The following TMEM132C variants were observed in gnomAD, a reference collection of about 807,000 sequenced individuals.
The protein encoded by TMEM132C is transmembrane protein 132C.
In TMEM132C, 29 loss-of-function variants were observed where a neutral mutation model predicts 61.4. The ratio of observed to expected loss-of-function variants is 0.47; its 90% CI spans 0.35 to 0.64. The LOEUF (loss-of-function observed/expected upper bound fraction) is 0.64. Ranked by LOEUF, TMEM132C falls within the 30% of genes least tolerant of loss-of-function variation. The pLI, the probability that TMEM132C is intolerant of heterozygous loss-of-function variation, is 0.00. For synonymous variants in TMEM132C, 656 were observed against 633.1 expected (o/e 1.04, Z -0.54); for missense variants, 1,408 against 1,476.9 (o/e 0.95, Z 0.76).
chr12:128,669,524 G>T lies in TMEM132C; in HGVS notation c.1413G>T (p.Ser471=). The change falls in exon 5 of 9, where the codon TCG becomes TCT. Residue 471 remains serine, a synonymous_variant. Transcript: ENST00000435159. ...ENSAVMDISE[S]VECKSTDEDV... ...GTGCCGTGATGGACATCTCAGAGTC[G>T]GTGGAGTGCAAGTCCACAGACGAGG... 1.9e-6 allele frequency: 3 copies of T among 1,551,578 alleles called. No homozygotes were observed. Among genetic ancestry groups the T allele is most frequent in the African/African-American group, 1.4e-5 (1 of 73,150 alleles).
Position 128,696,020 on chromosome 12 carries a change from A to T in TMEM132C, c.1846A>T (p.Met616Leu). 6.4e-7 allele frequency: 1 copy of T among 1,551,750 alleles called. No individual in the cohort carries two copies. Reference sequence around the variant, plus strand: ...CATCACTCACCTGGTGGCAGACTTCATGAAGCTGGAGGAACCTCACGTGGC... The same window carrying T: ...CATCACTCACCTGGTGGCAGACTTCTTGAAGCTGGAGGAACCTCACGTGGC... ...FDITHLVADF[M>L]KLEEPHVATL... Residue 616 changes from methionine (M) to leucine (L), a missense_variant, in exon 7 of 9, where the codon ATG (methionine) becomes TTG (leucine). Coordinates refer to ENST00000435159, the MANE Select transcript of TMEM132C (RefSeq NM_001136103.3).
Position 128,551,945 on chromosome 12 carries a change from CCTTA to C in TMEM132C, c.1121+7846_1121+7849del, listed in dbSNP as rs1422437966. Among the ~76,000 whole-genome samples the C allele has an allele frequency of 3.9e-5, 6 of 152,308 alleles. No homozygotes were observed. In the South Asian group the frequency reaches 1.0e-3, roughly 26 times the overall value. On this transcript the variant is annotated intron_variant, in intron 3 of 8. Transcript: ENST00000435159. ...GTTTCTGCCTCAAGCATTCCTGGAG[CCTTA>C]CTTTAAGCTCATTCCTTCAGGGAAA...
intron 2 of TMEM132C, among the ~76,000 whole-genome samples, chr12:128,486,010 T>C (rs947107200): frequency 3.9e-5 from 6 of 152,254 alleles, no homozygotes; most frequent in South Asian, 2.1e-4. Flanking sequence ...TAGTCGGAGA[T>C]TTCCATTCAT....
chr12:128,398,974 G>C (rs1415936492), intron 1 of TMEM132C, among the ~76,000 whole-genome samples: 1 of 152,216 alleles, frequency 6.6e-6, no homozygotes, highest in Middle Eastern at 3.4e-3. Context: ...CACGTTAAAG[G>C]CTTTAAAATG....
At chr12:128,386,751 T>G (rs996301758) in intron 1 of TMEM132C, among the ~76,000 whole-genome samples, 12 of 152,164 alleles carry the variant, frequency 7.9e-5, no homozygotes, top group Admixed American at 7.2e-4. Flanking sequence ...GGGACACATT[T>G]GCTTTACATT....
intron 1 of TMEM132C, among the ~76,000 whole-genome samples, chr12:128,304,754 G>A (rs1871708958): frequency 6.6e-6 from 1 of 152,346 alleles, no homozygotes; most frequent in Admixed American, 6.5e-5. Flanking sequence ...CCCTGCCTCA[G>A]TGGTCATTTA....
intron 3 of TMEM132C, among the ~76,000 whole-genome samples, chr12:128,573,507 T>C (rs1236195091): frequency 1.3e-5 from 2 of 151,806 alleles, no homozygotes; most frequent in African/African-American, 4.8e-5. Flanking sequence ...ATGTAAATGA[T>C]GAGTTAATGG....
chr12:128,343,417 A>C lies in TMEM132C; in HGVS notation c.86-71315A>C, dbSNP rs372384718. Among the ~76,000 whole-genome samples, 413 of 59,490 alleles carry C rather than the reference A, an allele frequency of 6.9e-3. 4 individuals are homozygous for C. Among genetic ancestry groups the C allele is most frequent in the African/African-American group, 0.019 (396 of 20,456 alleles). The allele number at this position is 59,490 out of a possible 152,430, so 39.0% of individuals were successfully genotyped here. A position where few individuals can be genotyped will look rare whatever the true frequency, so the allele number is the denominator to read the frequency against. ...CCAGCCTGGTGACAAAGTGAGACTC[A>C]GTCTAAAAAAAAAAAAAAAAAGGAG... On this transcript the variant is annotated intron_variant, in intron 1 of 8. Transcript: ENST00000435159.
At chr12:128,308,239 T>C (rs1049829849) in intron 1 of TMEM132C, among the ~76,000 whole-genome samples, 5 of 152,208 alleles carry the variant, frequency 3.3e-5, no homozygotes, top group Non-Finnish European at 7.3e-5. Flanking sequence ...TTCCCTGGAC[T>C]TCCCCCTTGC....
Position 128,438,930 on chromosome 12 carries a change from C to G in TMEM132C, c.974+23310C>G, listed in dbSNP as rs575085664. On this transcript the variant is annotated intron_variant, in intron 2 of 8. Transcript: ENST00000435159. ...GCCTGAGCAGACTTCCTCTTTTTTT[C>G]CCCCCAGTTCTCCTGGGTCTGCTGT... is the stretch of plus-strand genomic sequence containing the variant. 3.9e-5 allele frequency: 6 copies of G among 152,220 alleles called. No homozygotes were observed. In the South Asian group the frequency reaches 1.0e-3, roughly 26 times the overall value. 9.4% of individuals were successfully genotyped at this position (152,220 alleles called of 1,614,324 possible). A position where few individuals can be genotyped will look rare whatever the true frequency, so the allele number is the denominator to read the frequency against.
At chr12:128,682,629 C>T (rs1017107417) in intron 5 of TMEM132C, among the ~76,000 whole-genome samples, 1 of 152,174 alleles carries the variant, frequency 6.6e-6, no homozygotes, top group Non-Finnish European at 1.5e-5. Flanking sequence ...AATCAGAAAA[C>T]GGATGCAAGA....
Position 128,367,742 on chromosome 12 carries a change from TA to T in TMEM132C, c.86-46978del, listed in dbSNP as rs78658428. Among the ~76,000 whole-genome samples the T allele has an allele frequency of 1.0e-3, 153 of 146,012 alleles. 1 individual carries two copies. The highest frequency in any genetic ancestry group is 1.8e-3 in the African/African-American group (71 of 40,262). ...TTTGAAAGCATAGTATGAAAAAAAG[TA>T]AAAAAAAAAAATCACATGAATAATT... On this transcript the variant is annotated intron_variant, in intron 1 of 8. Coordinates refer to ENST00000435159, the MANE Select transcript of TMEM132C (RefSeq NM_001136103.3).
At chr12:128,704,572 G>A (rs1954823408) in intron 8 of TMEM132C, among the ~76,000 whole-genome samples, 1 of 152,236 alleles carries the variant, frequency 6.6e-6, no homozygotes, top group Admixed American at 6.5e-5. Flanking sequence ...ACTGGGGGCA[G>A]TGCAGGGAGA....
intron 1 of TMEM132C, among the ~76,000 whole-genome samples, chr12:128,376,575 G>A (rs538818928): frequency 3.3e-5 from 5 of 152,310 alleles, no homozygotes; most frequent in African/African-American, 7.2e-5. Flanking sequence ...GTTTCAAGAT[G>A]TGGATGCCAA....
chr12:128,695,946 G>T lies in TMEM132C; in HGVS notation c.1772G>T (p.Gly591Val). 6 of 1,551,760 alleles carry T rather than the reference G, an allele frequency of 3.9e-6. No individual in the cohort carries two copies. The South Asian group carries it at 7.1e-5, about 18-fold the overall frequency. Residue 591 changes from glycine to valine, a missense_variant, in exon 7 of 9, where the codon GGT becomes GTT. Physicochemically the swap from Gly to Val is moderately radical, Grantham distance 109. Coordinates refer to ENST00000435159, the MANE Select transcript of TMEM132C (RefSeq NM_001136103.3). ...VLTQFVSEGA[G>V]PWGQPNYLLS... ...ACCCAGTTTGTGTCTGAGGGCGCCG[G>T]TCCATGGGGCCAGCCGAACTACCTG...
At position 128,511,823 on chromosome 12, in the gene TMEM132C, T is replaced by C. The variant is rs1391501521; in HGVS notation, c.975-32134T>C. On this transcript the variant is annotated intron_variant, in intron 2 of 8. Transcript: ENST00000435159. ...GCAGAGGCCCCACTCTGCATCCTAC[T>C]GCTACAGTCTGGCTGGCCCAGGGCC... is the stretch of plus-strand genomic sequence containing the variant. Among the ~76,000 whole-genome samples, 3 of 152,212 alleles carry C rather than the reference T, an allele frequency of 2.0e-5. No individual in the cohort carries two copies. The South Asian group carries it at 6.2e-4, about 32-fold the overall frequency.
At chr12:128,340,716 TCTTC>T (rs201786533) in intron 1 of TMEM132C, among the ~76,000 whole-genome samples, 6,143 of 151,608 alleles carry the variant, frequency 0.041, 288 homozygotes, top group African/African-American at 0.11. Flanking sequence ...TCTTTCTCTT[TCTTC>T]CTTCCTTCCT....
chr12:128,647,889 A>G (rs1476695616), intron 4 of TMEM132C, among the ~76,000 whole-genome samples: 2 of 148,694 alleles, frequency 1.3e-5, no homozygotes, highest in Admixed American at 6.6e-5. Flanking sequence ...GGAGTCCATT[A>G]GCGTTGGATG....
intron 1 of TMEM132C, among the ~76,000 whole-genome samples, chr12:128,297,748 A>G (rs888650851): frequency 5.3e-5 from 8 of 152,088 alleles, no homozygotes; most frequent in Non-Finnish European, 1.2e-4. Context: ...CACCCACATG[A>G]TTTTAAGCAA....
Sources: gnomAD v4.1 joint callset for allele counts (sites outside exome capture counted in the v4.1 genomes callset) on GRCh38, gnomAD v4.1.1 for gene constraint, MANE v1.5 for transcripts, NCBI Gene and HGNC (gene_info 2026-07-23, HGNC 2026-07-21) for gene names.